The following CPT1C variants were observed in gnomAD, a reference collection of about 807,000 sequenced individuals.
The protein encoded by CPT1C is palmitoyl thioesterase CPT1C.
A neutral mutation model predicts 97.3 loss-of-function variants in CPT1C; 61 were observed. The observed-to-expected ratio is 0.63, with a 90% CI of 0.51 to 0.78. CPT1C has a LOEUF of 0.78. CPT1C is among the 30% of genes least tolerant of loss of function. The probability of loss-of-function intolerance (pLI) is 0.00; values close to 1 mark genes in which losing one functional copy is unlikely to be tolerated. For synonymous variants in CPT1C, 469 were observed against 447.2 expected (o/e 1.05, Z -0.61); for missense variants, 975 against 1,065.5 (o/e 0.92, Z 1.18).
chr19:49,703,114 C>CCTTT (rs2083280280), intron 7 of CPT1C, among the ~76,000 whole-genome samples: 2 of 142,258 alleles, frequency 1.4e-5, no homozygotes, highest in Non-Finnish European at 3.1e-5. Flanking sequence ...TTTCTTTCTT[C>CCTTT]CCTTCCTTCC....
chr19:49,700,296 T>C (rs10417008), intron 4 of CPT1C, among the ~76,000 whole-genome samples: 18,689 of 150,140 alleles, frequency 0.12, 1,409 homozygotes, highest in Non-Finnish European at 0.17. Context: ...GACCCCACCC[T>C]GAGAGATTCT....
chr19:49,703,024 T>C (rs1261354754), intron 7 of CPT1C, among the ~76,000 whole-genome samples: 1 of 151,942 alleles, frequency 6.6e-6, no homozygotes, highest in Non-Finnish European at 1.5e-5. Flanking sequence ...GCCTTGCTTT[T>C]CTGGTTAAAT....
At chr19:49,703,595 C>CCTTCCTT (rs1568525615) in intron 7 of CPT1C, among the ~76,000 whole-genome samples, 10 of 75,836 alleles carry the variant, frequency 1.3e-4, no homozygotes, top group Non-Finnish European at 2.1e-4. Flanking sequence ...CTCCCTCCCT[C>CCTTCCTT]CCTTCCTTCC....
Position 49,711,823 on chromosome 19 carries a change from C to T in CPT1C, c.1881C>T (p.Leu627=), listed in dbSNP as rs771431494. 5 of 1,612,606 alleles carry T rather than the reference C, an allele frequency of 3.1e-6. No individual in the cohort carries two copies. Among genetic ancestry groups the T allele is most frequent in the East Asian group, 2.2e-5 (1 of 44,874 alleles). Residue 627 remains leucine (L), a synonymous_variant, in exon 17 of 20, where the codon CTC becomes CTT. Transcript: ENST00000598293. ...GGGGACTGCAGGACCCACAGTGCCT[C>T]GCCCTGTTCCGCGTGGCAGTGGACA... ...EDKEKTDPQC[L]ALFRVAVDKH... is the part of the protein sequence containing the mutation.
chr19:49,697,659 C>T (rs775032281), intron 4 of CPT1C, 194 bp downstream of exon 4: 2 of 557,294 alleles, frequency 3.6e-6, no homozygotes, highest in Admixed American at 7.1e-5. Context: ...AATCCCAGCA[C>T]ATTGGGCATT....
chr19:49,712,117 CG>C, intron 17 of CPT1C, 156 bp downstream of exon 17: 1 of 896,390 alleles, frequency 1.1e-6, no homozygotes, highest in Non-Finnish European at 1.6e-6. Flanking sequence ...CCGAGGCAGG[CG>C]GATCACTTGA....
rs2082404461 is a variant in CPT1C, at chr19:49,692,381, C to T, written c.129C>T (p.Leu43=). 2.5e-6 allele frequency: 4 copies of T among 1,614,170 alleles called. No individual in the cohort carries two copies. The highest frequency in any genetic ancestry group is 1.1e-5 in the South Asian group (1 of 91,078). The change falls in exon 3 of 20, where the codon CTC becomes CTT. Residue 43 remains leucine, a synonymous_variant. Coordinates refer to ENST00000598293, the MANE Select transcript of CPT1C (RefSeq NM_001199753.2). ...GCCTGCGCTCCTGGAAAAGGCATCT[C>T]TCACGTTTCTGGGTGAGGAGCGGTG... The part of the protein sequence containing the change: ...LSGLRSWKRH[L]SRFWNDFLTG...
At chr19:49,694,645 A>G (rs1202381759) in intron 3 of CPT1C, among the ~76,000 whole-genome samples, 7 of 150,576 alleles carry the variant, frequency 4.6e-5, no homozygotes, top group East Asian at 2.0e-4. Flanking sequence ...AAAAAAAAAA[A>G]AGGGGGTGGG....
intron 3 of CPT1C, 123 bp from the exon 4 acceptor site, chr19:49,697,203 C>G (rs1206157255): frequency 8.1e-7 from 1 of 1,236,270 alleles, no homozygotes; most frequent in African/African-American, 1.5e-5. Context: ...CTGTTCCCTA[C>G]TAGATCTTGA....
chr19:49,713,563 G>A lies in CPT1C; in HGVS notation c.2370G>A (p.Gln790=), dbSNP rs762045091. Residue 790 remains glutamine, a synonymous_variant, in exon 20 of 20, where the codon CAG becomes CAA. Coordinates refer to ENST00000598293, the MANE Select transcript of CPT1C (RefSeq NM_001199753.2). ...SRHRCGFLSR[Q]TGASKASMTS... ...ACAGGTGTGGATTTCTCTCCCGCCA[G>A]ACTGGGGCCTCCAAGGCCTCAATGA... is the stretch of plus-strand genomic sequence containing the variant. The A allele has an allele frequency of 6.2e-7, 1 of 1,613,916 alleles. No individual in the cohort carries two copies. The highest frequency in any genetic ancestry group is 8.5e-7 in the Non-Finnish European group (1 of 1,179,896).
rs761276758 is a variant in CPT1C, at chr19:49,700,853, C to A, written c.451C>A (p.Leu151Met). The change falls in exon 5 of 20, where the codon CTG (leucine) becomes ATG (methionine). Residue 151 changes from leucine to methionine, a missense_variant and splice_region_variant. Around this residue, in one of 3 missense-constraint regions of CPT1C, gnomAD observed 596 missense variants for 603.1 expected, o/e 0.99. Transcript: ENST00000598293. The stretch of plus-strand genomic sequence containing the variant: ...CATGTCCTCCCCCACCAAGACCTGG[C>A]TGGTATGGGAGGGGCATAGCCCTGC... The part of the protein sequence containing the change: ...GAMSSPTKTW[L>M]ALVRIFSGRH... 1.2e-6 allele frequency: 2 copies of A among 1,611,900 alleles called. No individual in the cohort carries two copies. The highest frequency in any genetic ancestry group is 2.2e-5 in the East Asian group (1 of 44,900).
At chr19:49,701,046 C>CCT (rs550829673) in intron 5 of CPT1C, among the ~76,000 whole-genome samples, 191 bp downstream of exon 5, 7 of 131,086 alleles carry the variant, frequency 5.3e-5, no homozygotes, top group Non-Finnish European at 9.7e-5. Flanking sequence ...TCTCTGTCCC[C>CCT]CTCTCTCTCT....
At chr19:49,705,428 C>A (rs2083445535) in intron 10 of CPT1C, 130 bp downstream of exon 10, 2 of 757,278 alleles carry the variant, frequency 2.6e-6, no homozygotes, top group African/African-American at 1.8e-5. Context: ...CACGTTATTA[C>A]CCTCTCTGAG....
chr19:49,711,012 AT>A (rs971909450), intron 16 of CPT1C, 155 bp downstream of exon 16: 66 of 704,944 alleles, frequency 9.4e-5, no homozygotes, highest in Non-Finnish European at 1.4e-4. Context: ...GAGCTCACTG[AT>A]GGGGGGAGAC....
chr19:49,698,219 T>A (rs1490340653), intron 4 of CPT1C, among the ~76,000 whole-genome samples: 1 of 150,152 alleles, frequency 6.7e-6, no homozygotes, highest in Non-Finnish European at 1.5e-5. Context: ...AACAAAAAAT[T>A]AGCCAAGTGT....
chr19:49,705,595 A>G (rs1220684926), intron 10 of CPT1C, among the ~76,000 whole-genome samples: 1 of 152,042 alleles, frequency 6.6e-6, no homozygotes, highest in African/African-American at 2.4e-5. Context: ...TCCGGTCTAT[A>G]TACAAAATTT....
At position 49,706,393 on chromosome 19, in the gene CPT1C, G is replaced by T; in HGVS notation, c.1323G>T (p.Leu441=). The T allele has an allele frequency of 6.7e-7, 1 of 1,494,510 alleles. No homozygotes were observed. Among genetic ancestry groups the T allele is most frequent in the East Asian group, 2.7e-5 (1 of 37,094 alleles). 92.6% of individuals were successfully genotyped at this position (1,494,510 alleles called of 1,614,324 possible). A position where few individuals can be genotyped will look rare whatever the true frequency, so the allele number is the denominator to read the frequency against. The part of the protein sequence containing the change: ...ASLDAYAHAL[L]AGRGHDRWFD... The stretch of plus-strand genomic sequence containing the variant: ...TGGATGCCTACGCCCATGCTCTGCT[G>T]GCCGGCCGGGGCCATGATCGGTGAG... Residue 441 remains leucine, a synonymous_variant, in exon 12 of 20, where the codon CTG becomes CTT. Transcript: ENST00000598293. This position sits in a 1 kb window ranked among gnomAD's most constrained non-coding sequence, Gnocchi z 4.8.
intron 14 of CPT1C, among the ~76,000 whole-genome samples, 170 bp from the exon 15 acceptor site, chr19:49,710,149 CT>C (rs979231316): frequency 2.6e-5 from 4 of 152,034 alleles, no homozygotes; most frequent in South Asian, 2.1e-4. Flanking sequence ...CGCCCAGCCC[CT>C]ATCCCCATCT....
At chr19:49,700,972 TC>T in intron 5 of CPT1C, 117 bp downstream of exon 5, 4 of 1,082,996 alleles carry the variant, frequency 3.7e-6, no homozygotes, top group Non-Finnish European at 5.3e-6. Context: ...CTGGGTCTCT[TC>T]CCCCTCTCTT....
Sources: gnomAD v4.1 joint callset for allele counts (sites outside exome capture counted in the v4.1 genomes callset) on GRCh38, gnomAD v4.1.1 for gene constraint, gnomAD v4.1.1 regional missense constraint, Gnocchi (gnomAD v3.1) non-coding constraint, MANE v1.5 for transcripts, NCBI Gene and HGNC (gene_info 2026-07-23, HGNC 2026-07-21) for gene names.